The following KCTD20 variants were observed in gnomAD, a reference collection of about 807,000 sequenced individuals.
KCTD20 encodes potassium channel tetramerization domain containing 20, also known as BTB/POZ domain-containing protein KCTD20.
In KCTD20, 30 loss-of-function variants were observed where a neutral mutation model predicts 39.6. That is an observed-to-expected ratio of 0.76 (90% CI 0.57 to 1.03). The LOEUF is 1.03. KCTD20 is among the 50% of genes least tolerant of loss of function. The pLI is 0.00. For missense variants in KCTD20, 422 were observed against 522.0 expected, an observed-to-expected ratio of 0.81 and a Z score of 1.87; for synonymous variants, 162 against 180.6, an observed-to-expected ratio of 0.90 and a Z score of 0.83.
chr6:36,470,045 G>A lies in KCTD20; in HGVS notation c.-46-7G>A. 6.9e-7 allele frequency: 1 copy of A among 1,459,616 alleles called. No individual in the cohort carries two copies. The highest frequency in any genetic ancestry group is 9.2e-7 in the Non-Finnish European group (1 of 1,082,200). 90.4% of individuals were successfully genotyped at this position (1,459,616 alleles called of 1,614,324 possible). ...AGTTCTAAATCATGCATATTCCTGT[G>A]TTCCAGGATTTCTCTCTGATCAAAC... On this transcript the variant is annotated splice_polypyrimidine_tract_variant and splice_region_variant and intron_variant, in intron 1 of 7. Coordinates refer to ENST00000373731, the MANE Select transcript of KCTD20 (RefSeq NM_173562.5).
chr6:36,486,764 C>T (rs577483319), intron 7 of KCTD20, 119 bp from the exon 8 acceptor site: 29 of 807,608 alleles, frequency 3.6e-5, no homozygotes, highest in South Asian at 1.3e-4. Context: ...CTGGTCACTT[C>T]GCACATATTT....
At chr6:36,470,440 C>T (rs1293929887) in intron 2 of KCTD20, among the ~76,000 whole-genome samples, 183 bp downstream of exon 2, 1 of 152,164 alleles carries the variant, frequency 6.6e-6, no homozygotes, top group Non-Finnish European at 1.5e-5. Flanking sequence ...CAGTCTAGCA[C>T]ATCTAATATG....
intron 1 of KCTD20, among the ~76,000 whole-genome samples, chr6:36,457,360 T>C (rs757442789): frequency 8.5e-4 from 129 of 152,294 alleles, no homozygotes; most frequent in Non-Finnish European, 1.8e-3. Context: ...TTCTTGTAAT[T>C]TTACCAATAC....
chr6:36,480,309 G>C (rs1169801323), intron 5 of KCTD20, among the ~76,000 whole-genome samples: 1 of 151,608 alleles, frequency 6.6e-6, no homozygotes, highest in Non-Finnish European at 1.5e-5. Context: ...TTGGTGTCTC[G>C]ACTCTAACAA....
chr6:36,445,196 A>G (rs929126318), intron 1 of KCTD20, among the ~76,000 whole-genome samples: 24 of 139,320 alleles, frequency 1.7e-4, no homozygotes, highest in African/African-American at 6.5e-4. Flanking sequence ...CGGGAGGCAG[A>G]GGTTGCAGTG....
rs890001324 is a variant in KCTD20 at position 36,483,268 on chromosome 6, T to C, written c.857-1446T>C. On this transcript the variant is annotated intron_variant, in intron 6 of 7. Transcript: ENST00000373731. ...CACCAAAACAGTGGCTTTTTCTTTTTTTTTTTTTTTTTTTTTTGAGACAGA... is the reference window on the plus strand; with the variant it reads ...CACCAAAACAGTGGCTTTTTCTTTTCTTTTTTTTTTTTTTTTTGAGACAGA... Among the ~76,000 whole-genome samples the C allele has an allele frequency of 1.0e-4, 15 of 146,408 alleles. No individual in the cohort carries two copies. In the South Asian group the frequency reaches 1.3e-3, roughly 13 times the overall value.
chr6:36,478,109 A>G (rs1399459968), intron 3 of KCTD20, among the ~76,000 whole-genome samples: 1 of 151,780 alleles, frequency 6.6e-6, no homozygotes, highest in Admixed American at 6.6e-5. Context: ...AAAAAAAGAA[A>G]AGAAAAGCAG....
In KCTD20 at chr6:36,481,612, C is replaced by A. The variant is rs778795002; in HGVS notation, c.709C>A (p.His237Asn). The change falls in exon 6 of 8, where the codon CAC becomes AAC. Residue 237 changes from histidine to asparagine, a missense_variant. Physicochemically the swap from His to Asn is moderately conservative, Grantham distance 68. Coordinates refer to ENST00000373731, the MANE Select transcript of KCTD20 (RefSeq NM_173562.5). ...SNDGAHKQFDHYLEELILPIM... is the reference protein window; with the variant it reads ...SNDGAHKQFDNYLEELILPIM... The stretch of plus-strand genomic sequence containing the variant: ...TGACGGTGCTCATAAGCAGTTTGAT[C>A]ACTACCTCGAAGAGCTCATCTTGCC... 1 of 1,614,228 alleles carries A rather than the reference C, an allele frequency of 6.2e-7. No individual in the cohort carries two copies. The highest frequency in any genetic ancestry group is 8.5e-7 in the Non-Finnish European group (1 of 1,180,044).
At chr6:36,465,859 C>A (rs992236918) in intron 1 of KCTD20, among the ~76,000 whole-genome samples, 5 of 152,098 alleles carry the variant, frequency 3.3e-5, no homozygotes, top group Non-Finnish European at 7.4e-5. Context: ...TGGATGTTTT[C>A]TTTGCTTCAC....
At chr6:36,446,171 C>T (rs746749997) in intron 1 of KCTD20, among the ~76,000 whole-genome samples, 11 of 151,814 alleles carry the variant, frequency 7.2e-5, no homozygotes, top group Admixed American at 2.6e-4. Context: ...GGATTACAGG[C>T]GCCCGCTACC....
At chr6:36,481,536 T>C in intron 5 of KCTD20, 26 bp from the exon 6 acceptor site, 3 of 1,555,338 alleles carry the variant, frequency 1.9e-6, no homozygotes, top group Non-Finnish European at 2.7e-6. Flanking sequence ...GCAGAAAGCA[T>C]GTTCACCTAC....
chr6:36,470,128 A>T lies in KCTD20; in HGVS notation c.31A>T (p.Arg11Trp), dbSNP rs770661198. The T allele has an allele frequency of 1.1e-5, 18 of 1,613,890 alleles. No individual in the cohort carries two copies. Among genetic ancestry groups the T allele is most frequent in the Middle Eastern group, 1.6e-4 (1 of 6,082 alleles). Residue 11 changes from arginine (R) to tryptophan (W), a missense_variant, in exon 2 of 8, where the codon AGG becomes TGG. Physicochemically the swap from Arg to Trp is moderately radical, Grantham distance 101 (BLOSUM62 -3). Transcript: ENST00000373731. ...TGTTCACCGTGGCAGTGACAGTGAC[A>T]GGTTATTGCGGCAGGAGGCCAGCTG... MNVHRGSDSD[R>W]LLRQEASCLV...
chr6:36,451,325 T>C (rs1775248311), intron 1 of KCTD20: 1 of 152,250 alleles, frequency 6.6e-6, no homozygotes, highest in East Asian at 1.9e-4. Flanking sequence ...ACATTCATTT[T>C]AGAGACTTTA....
chr6:36,487,313 T>C lies in KCTD20; in HGVS notation c.*138T>C, dbSNP rs978772779. 3.5e-6 allele frequency: 3 copies of C among 850,018 alleles called. No homozygotes were observed. The highest frequency in any genetic ancestry group is 3.4e-5 in the African/African-American group (2 of 58,778). 52.7% of individuals were successfully genotyped at this position (850,018 alleles called of 1,614,324 possible). A position where few individuals can be genotyped will look rare whatever the true frequency, so the allele number is the denominator to read the frequency against. On this transcript the variant is annotated 3_prime_UTR_variant, in exon 8 of 8. Coordinates refer to ENST00000373731, the MANE Select transcript of KCTD20 (RefSeq NM_173562.5). ...CTTTTCCTTTCTGCCATAATTAACA[T>C]ATGTCCTTTTCAGTAAGTCCATGCC... is the stretch of plus-strand genomic sequence containing the variant.
chr6:36,481,821 C>A, intron 6 of KCTD20, 62 bp downstream of exon 6: 3 of 1,374,244 alleles, frequency 2.2e-6, no homozygotes, highest in Non-Finnish European at 3.1e-6. Flanking sequence ...GGAGTAGCAG[C>A]TTGATCCTAG....
rs200205257 is a variant in KCTD20 at position 36,477,624 on chromosome 6, C to T, written c.435-1497C>T. The stretch of plus-strand genomic sequence containing the variant: ...CCTCCCGCACAGCTGGGACTACAGG[C>T]GCCCATCACCACGCCCAGCTAATTT... On this transcript the variant is annotated intron_variant, in intron 3 of 7. Transcript: ENST00000373731. Among the ~76,000 whole-genome samples, 89 of 150,988 alleles carry T rather than the reference C, an allele frequency of 5.9e-4. No individual in the cohort carries two copies. The East Asian group carries it at 0.011, about 18-fold the overall frequency.
chr6:36,461,939 T>C (rs1040873321), intron 1 of KCTD20, among the ~76,000 whole-genome samples: 1 of 152,200 alleles, frequency 6.6e-6, no homozygotes, highest in Non-Finnish European at 1.5e-5. Context: ...TTGTAATGCC[T>C]TCTTCTCTCC....
chr6:36,443,440 G>A (rs1488708836), intron 1 of KCTD20: 2 of 152,208 alleles, frequency 1.3e-5, no homozygotes, highest in Non-Finnish European at 2.9e-5. Flanking sequence ...TCATCCCGCC[G>A]GAGAGGAATG....
chr6:36,459,237 G>A (rs1006469415), intron 1 of KCTD20, among the ~76,000 whole-genome samples: 10 of 152,136 alleles, frequency 6.6e-5, no homozygotes, highest in South Asian at 2.1e-4. Flanking sequence ...GCTTGAACTC[G>A]GAGGCAGAGG....
Sources: gnomAD v4.1 joint callset for allele counts (sites outside exome capture counted in the v4.1 genomes callset) on GRCh38, gnomAD v4.1.1 for gene constraint, MANE v1.5 for transcripts, NCBI Gene and HGNC (gene_info 2026-07-23, HGNC 2026-07-21) for gene names.